The following REDIC1 variants were observed in gnomAD, a reference collection of about 807,000 sequenced individuals.
REDIC1 encodes the protein regulator of DNA class I crossover intermediates 1.
the REDIC1 span, among the ~76,000 whole-genome samples, chr12:39,770,382 A>G: frequency 1.6e-4 from 25 of 152,318 alleles, no homozygotes; most frequent in South Asian, 5.2e-3. Flanking sequence ...AGAAGGCAGC[A>G]TGGGGCTGCT....
At chr12:39,712,868 TATATACA>T in the REDIC1 span, among the ~76,000 whole-genome samples, 4 of 146,314 alleles carry the variant, frequency 2.7e-5, no homozygotes, top group South Asian at 8.5e-4. Context: ...TATATACACG[TATATACA>T]CGTATATACA....
the REDIC1 span, among the ~76,000 whole-genome samples, chr12:39,665,856 A>G: frequency 1.3e-5 from 2 of 152,158 alleles, no homozygotes; most frequent in Non-Finnish European, 2.9e-5. Flanking sequence ...GAGTTCACTC[A>G]TGATTTGGCT....
chr12:39,704,227 GA>G, the REDIC1 span, among the ~76,000 whole-genome samples: 183 of 149,310 alleles, frequency 1.2e-3, no homozygotes, highest in African/African-American at 4.3e-3. Flanking sequence ...AAATTTACAA[GA>G]AAAAAAAACA....
chr12:39,854,882 G>A, the REDIC1 span, among the ~76,000 whole-genome samples: 1 of 152,092 alleles, frequency 6.6e-6, no homozygotes, highest in Non-Finnish European at 1.5e-5. Flanking sequence ...CATTTTCATT[G>A]GTCTGAGAAA....
the REDIC1 span, among the ~76,000 whole-genome samples, chr12:39,764,283 C>G: frequency 1.3e-5 from 2 of 151,994 alleles, no homozygotes; most frequent in African/African-American, 4.8e-5. Context: ...ATAGGAGAAT[C>G]CCTCTCTTCT....
chr12:39,640,916 C>T, the REDIC1 span: 2 of 1,544,078 alleles, frequency 1.3e-6, no homozygotes, highest in African/African-American at 2.7e-5. Flanking sequence ...AAGGCCATTT[C>T]TTTGATCACT....
At chr12:39,732,384 T>C in the REDIC1 span, among the ~76,000 whole-genome samples, 3 of 152,200 alleles carry the variant, frequency 2.0e-5, no homozygotes, top group Non-Finnish European at 4.4e-5. Flanking sequence ...TCCCTTTAAC[T>C]GGATTGTTAG....
At chr12:39,847,473 A>C in the REDIC1 span, among the ~76,000 whole-genome samples, 1 of 152,116 alleles carries the variant, frequency 6.6e-6, no homozygotes, top group Admixed American at 6.6e-5. Flanking sequence ...GAAGACTTCA[A>C]AGGGAGCTGA....
chr12:39,654,870 C>A, the REDIC1 span, among the ~76,000 whole-genome samples: 2 of 151,802 alleles, frequency 1.3e-5, no homozygotes, highest in African/African-American at 4.8e-5. Context: ...TGCACATGGA[C>A]TTTTTTTTAG....
At chr12:39,685,936 T>C in the REDIC1 span, among the ~76,000 whole-genome samples, 1 of 152,212 alleles carries the variant, frequency 6.6e-6, no homozygotes, top group Non-Finnish European at 1.5e-5. Context: ...GTCACAAATC[T>C]TAAAGCTCCA....
chr12:39,667,852 G>T, the REDIC1 span, among the ~76,000 whole-genome samples: 1 of 152,050 alleles, frequency 6.6e-6, no homozygotes, highest in Non-Finnish European at 1.5e-5. Flanking sequence ...ATCTTTGTTT[G>T]TTCAAAGTCT....
chr12:39,705,455 C>T, the REDIC1 span, among the ~76,000 whole-genome samples: 1 of 152,024 alleles, frequency 6.6e-6, no homozygotes, highest in Non-Finnish European at 1.5e-5. Context: ...CTTCCAAACC[C>T]ATTCTACAAG....
At chr12:39,853,607 CTT>C in the REDIC1 span, among the ~76,000 whole-genome samples, 1 of 136,140 alleles carries the variant, frequency 7.3e-6, no homozygotes, top group Admixed American at 7.4e-5. Flanking sequence ...TTCTTTCTTT[CTT>C]TTTTTTTTTG....
the REDIC1 span, among the ~76,000 whole-genome samples, chr12:39,754,572 A>G: frequency 6.6e-6 from 1 of 152,082 alleles, no homozygotes; most frequent in African/African-American, 2.4e-5. Flanking sequence ...ACAAGTGTAT[A>G]TTTGCTAATT....
At chr12:39,673,366 A>G in the REDIC1 span, among the ~76,000 whole-genome samples, 1 of 152,184 alleles carries the variant, frequency 6.6e-6, no homozygotes, top group Non-Finnish European at 1.5e-5. Flanking sequence ...AGTCAGATGG[A>G]GATCCTGAAA....
the REDIC1 span, among the ~76,000 whole-genome samples, chr12:39,702,506 C>A: frequency 6.6e-6 from 1 of 152,104 alleles, no homozygotes; most frequent in South Asian, 2.1e-4. Context: ...ACCAGAGGTA[C>A]AAGGAGGAAC....
the REDIC1 span, among the ~76,000 whole-genome samples, chr12:39,807,564 T>C: frequency 6.6e-6 from 1 of 152,190 alleles, no homozygotes; most frequent in East Asian, 1.9e-4. Context: ...ACTTGATAAA[T>C]ATCAGCTAGG....
chr12:39,879,258 G>T, the REDIC1 span, among the ~76,000 whole-genome samples: 1 of 152,236 alleles, frequency 6.6e-6, no homozygotes, highest in Non-Finnish European at 1.5e-5. Flanking sequence ...AAGGGGAAAT[G>T]TGGGGTTGAG....
chr12:39,831,974 C>T, the REDIC1 span, among the ~76,000 whole-genome samples: 3 of 152,164 alleles, frequency 2.0e-5, no homozygotes, highest in Non-Finnish European at 2.9e-5. Context: ...CAGACTAACA[C>T]AACTGGCATG....
Sources: gnomAD v4.1 joint callset for allele counts (sites outside exome capture counted in the v4.1 genomes callset) on GRCh38, gnomAD v4.1.1 for gene constraint, MANE v1.5 for transcripts, NCBI Gene and HGNC (gene_info 2026-07-23, HGNC 2026-07-21) for gene names.